Variants in DMTF1 observed in about 807,000 individuals in gnomAD.
DMTF1 encodes the protein cyclin-D-binding Myb-like transcription factor 1.
A neutral mutation model predicts 91.1 loss-of-function variants in DMTF1; 39 were observed. The ratio of observed to expected loss-of-function variants is 0.43; its 90% CI spans 0.33 to 0.56. The LOEUF is 0.56. Among genes scored for constraint, DMTF1 ranks in the 20% least tolerant of loss-of-function variants. The pLI is 0.05. For synonymous variants in DMTF1, 338 were observed against 309.5 expected (o/e 1.09, Z -0.97); for missense variants, 750 against 914.5 (o/e 0.82, Z 2.32).
intron 7 of DMTF1, among the ~76,000 whole-genome samples, chr7:87,178,938 T>A (rs1796810433): frequency 6.6e-6 from 1 of 152,066 alleles, no homozygotes; most frequent in Non-Finnish European, 1.5e-5. Context: ...CCTATTTGAT[T>A]TTCTGTCTCT....
At chr7:87,166,628 CCA>C (rs771070680) in intron 4 of DMTF1, 23 bp downstream of exon 4, 321 of 1,530,846 alleles carry the variant, frequency 2.1e-4, no homozygotes, top group Non-Finnish European at 2.7e-4. Flanking sequence ...GTATTAAGAG[CCA>C]TAGAGTTCCC....
At chr7:87,160,029 G>C (rs1454974228) in intron 1 of DMTF1, among the ~76,000 whole-genome samples, 4 of 152,042 alleles carry the variant, frequency 2.6e-5, no homozygotes, top group Non-Finnish European at 5.9e-5. Context: ...TAAACCAAAT[G>C]GGGAGGGATT....
rs954451395 is a variant in DMTF1, at chr7:87,173,684, A to G, written c.442+35A>G. 6.4e-6 allele frequency: 9 copies of G among 1,403,404 alleles called. No homozygotes were observed. The African/African-American group carries it at 1.3e-4, about 20-fold the overall frequency. The allele number at this position is 1,403,404 out of a possible 1,614,324, so 86.9% of individuals were successfully genotyped here. On this transcript the variant is annotated intron_variant, in intron 6 of 17. Coordinates refer to ENST00000331242, the MANE Select transcript of DMTF1 (RefSeq NM_001142327.2). ...CACTGTGAATTTTAGTGCCTAGTGA[A>G]AAAAAATGGAGATAGAAAGGGCTTA... is the stretch of plus-strand genomic sequence containing the variant.
chr7:87,170,376 T>C (rs1186446391), intron 4 of DMTF1, among the ~76,000 whole-genome samples: 1 of 152,192 alleles, frequency 6.6e-6, no homozygotes, highest in Non-Finnish European at 1.5e-5. Flanking sequence ...AATCTTCCAG[T>C]CGTTTCCCAC....
At position 87,196,117 on chromosome 7, in the gene DMTF1, T is replaced by C. The variant is rs1801168954; in HGVS notation, c.*977T>C. 1 of 152,762 alleles carries C rather than the reference T, an allele frequency of 6.5e-6. No homozygotes were observed. Among genetic ancestry groups the C allele is most frequent in the African/African-American group, 2.4e-5 (1 of 41,454 alleles). 9.5% of individuals were successfully genotyped at this position (152,762 alleles called of 1,614,324 possible). ...AAGGCAAAGGTAGCCTTTTGGGCTT[T>C]TTAATGAATATGACCCCTATAGAAA... On this transcript the variant is annotated 3_prime_UTR_variant, in exon 18 of 18. Coordinates refer to ENST00000331242, the MANE Select transcript of DMTF1 (RefSeq NM_001142327.2).
intron 13 of DMTF1, among the ~76,000 whole-genome samples, chr7:87,189,231 A>G (rs868547215): frequency 6.6e-6 from 1 of 152,162 alleles, no homozygotes; most frequent in Non-Finnish European, 1.5e-5. Context: ...AGAACCACAT[A>G]TTGGTGTTTA....
At chr7:87,175,883 AG>A (rs1796152942) in intron 7 of DMTF1, among the ~76,000 whole-genome samples, 1 of 152,264 alleles carries the variant, frequency 6.6e-6, no homozygotes. Flanking sequence ...GAAGCATTAA[AG>A]GGTTTAAGAA....
At chr7:87,157,277 A>G (rs1408347501) in intron 1 of DMTF1, among the ~76,000 whole-genome samples, 1 of 152,158 alleles carries the variant, frequency 6.6e-6, no homozygotes, top group African/African-American at 2.4e-5. Context: ...AAGTGAGTGT[A>G]TTAAAATAGG....
At chr7:87,181,456 A>G (rs751380114) in intron 9 of DMTF1, 115 bp downstream of exon 9, 3 of 515,352 alleles carry the variant, frequency 5.8e-6, no homozygotes, top group Non-Finnish European at 1.1e-5. Flanking sequence ...GAATTGTGCT[A>G]TTAAGCATGA....
chr7:87,162,567 C>CT (rs754502033), intron 1 of DMTF1, among the ~76,000 whole-genome samples: 3 of 152,070 alleles, frequency 2.0e-5, no homozygotes, highest in Admixed American at 2.0e-4. Flanking sequence ...TTTTAACCTT[C>CT]TTTTTTTTAC....
At chr7:87,182,495 T>C (rs925531186) in intron 10 of DMTF1, among the ~76,000 whole-genome samples, 158 bp downstream of exon 10, 1 of 152,198 alleles carries the variant, frequency 6.6e-6, no homozygotes, top group Non-Finnish European at 1.5e-5. Context: ...TTATTAGATA[T>C]ATCAAACTAA....
chr7:87,165,097 AT>A, intron 3 of DMTF1, 47 bp downstream of exon 3: 1 of 1,424,022 alleles, frequency 7.0e-7, no homozygotes, highest in Non-Finnish European at 9.8e-7. Flanking sequence ...GAATTTATGA[AT>A]TCCATGTCAC....
intron 3 of DMTF1, among the ~76,000 whole-genome samples, 175 bp from the exon 4 acceptor site, chr7:87,166,308 G>A (rs1012184610): frequency 6.6e-6 from 1 of 152,216 alleles, no homozygotes; most frequent in Non-Finnish European, 1.5e-5. Context: ...CTGCATTGCA[G>A]TAGGCATAGA....
At chr7:87,153,436 A>G (rs1360406376) in intron 1 of DMTF1, among the ~76,000 whole-genome samples, 1 of 152,242 alleles carries the variant, frequency 6.6e-6, no homozygotes, top group Non-Finnish European at 1.5e-5. Context: ...CACAATCTCC[A>G]GAGCAGATTT....
intron 1 of DMTF1, among the ~76,000 whole-genome samples, chr7:87,157,865 C>T (rs930119352): frequency 3.3e-5 from 5 of 151,524 alleles, no homozygotes; most frequent in African/African-American, 1.2e-4. Flanking sequence ...TTTAAGCCAC[C>T]AGAATGGTTT....
At position 87,170,997 on chromosome 7, in the gene DMTF1, T is replaced by G. The variant is rs368708718; in HGVS notation, c.235T>G (p.Ser79Ala). Residue 79 changes from serine to alanine, a missense_variant and splice_region_variant, in exon 5 of 18, where the codon TCA becomes GCA. Coordinates refer to ENST00000331242, the MANE Select transcript of DMTF1 (RefSeq NM_001142327.2). Reference sequence around the variant, plus strand: ...ATGAACGGTTCCTTTTCTTGAAGTTTCAGAAAATGATCAGAGCTTTGAAGT... The same window carrying G: ...ATGAACGGTTCCTTTTCTTGAAGTTGCAGAAAATGATCAGAGCTTTGAAGT... ...PCISVVALPL[S>A]ENDQSFEVTM... 9 of 1,605,044 alleles carry G rather than the reference T, an allele frequency of 5.6e-6. No homozygotes were observed. Among genetic ancestry groups the G allele is most frequent in the Non-Finnish European group, 7.7e-6 (9 of 1,173,110 alleles).
intron 15 of DMTF1, 168 bp from the exon 16 acceptor site, chr7:87,193,557 G>A (rs1800419102): frequency 1.2e-6 from 1 of 810,862 alleles, no homozygotes; most frequent in South Asian, 1.8e-5. Flanking sequence ...ATTAGAATAG[G>A]GACATTAGAA....
chr7:87,191,050 T>C lies in DMTF1; in HGVS notation c.1494+23T>C, dbSNP rs955401072. On this transcript the variant is annotated intron_variant, in intron 14 of 17. Transcript: ENST00000331242. ...CCCGTGAGTAACGCTTCATATATAT[T>C]GGCCATTTTTATGCATGAGAAAGAT... 3.4e-6 allele frequency: 5 copies of C among 1,473,318 alleles called. No homozygotes were observed. In the African/African-American group the frequency reaches 7.0e-5, roughly 21 times the overall value. The allele number at this position is 1,473,318 out of a possible 1,614,324, so 91.3% of individuals were successfully genotyped here.
chr7:87,193,357 T>C lies in DMTF1; in HGVS notation c.1650+4T>C. Reference sequence around the variant, plus strand: ...GATTATTGTTCATGCTTTATCCGTATGTTACATAAATTACTTGATTTTTGA... The same window carrying C: ...GATTATTGTTCATGCTTTATCCGTACGTTACATAAATTACTTGATTTTTGA... On this transcript the variant is annotated splice_donor_region_variant and intron_variant, in intron 15 of 17. Coordinates refer to ENST00000331242, the MANE Select transcript of DMTF1 (RefSeq NM_001142327.2). 1 of 1,612,988 alleles carries C rather than the reference T, an allele frequency of 6.2e-7. No homozygotes were observed. The highest frequency in any genetic ancestry group is 8.5e-7 in the Non-Finnish European group (1 of 1,179,344).
Sources: allele counts gnomAD v4.1 joint callset (sites outside exome capture counted in the v4.1 genomes callset), GRCh38; gene constraint gnomAD v4.1.1; transcripts MANE v1.5; gene names NCBI Gene and HGNC (gene_info 2026-07-23, HGNC 2026-07-21).